The following LHFPL3 variants were observed in gnomAD, a reference collection of about 807,000 sequenced individuals.
The protein encoded by LHFPL3 is LHFPL tetraspan subfamily member 3 protein.
A neutral mutation model predicts 19.3 loss-of-function variants in LHFPL3; 5 were observed. The ratio of observed to expected loss-of-function variants is 0.26; its 90% CI spans 0.14 to 0.54. The LOEUF (loss-of-function observed/expected upper bound fraction) is 0.54. LHFPL3 is among the 20% of genes least tolerant of loss of function. The pLI, the probability that LHFPL3 is intolerant of heterozygous loss-of-function variation, is 0.94. For synonymous variants in LHFPL3, 133 were observed against 126.2 expected (o/e 1.05, Z -0.36); for missense variants, 249 against 307.4 (o/e 0.81, Z 1.42).
intron 1 of LHFPL3, among the ~76,000 whole-genome samples, chr7:104,446,365 G>T (rs1792330354): frequency 6.6e-6 from 1 of 152,094 alleles, no homozygotes; most frequent in South Asian, 2.1e-4. Context: ...CTTCAACCTA[G>T]CATTGTTCTT....
At chr7:104,486,784 C>A (rs1214975693) in intron 1 of LHFPL3, among the ~76,000 whole-genome samples, 1 of 151,590 alleles carries the variant, frequency 6.6e-6, no homozygotes, top group Non-Finnish European at 1.5e-5. Flanking sequence ...TAATTTCTTC[C>A]TTTGCTTTCT....
At chr7:104,776,869 G>C (rs376780222) in intron 2 of LHFPL3, among the ~76,000 whole-genome samples, 1 of 152,172 alleles carries the variant, frequency 6.6e-6, no homozygotes, top group African/African-American at 2.4e-5. Context: ...CAACAGAGGA[G>C]CAAACATACC....
intron 1 of LHFPL3, among the ~76,000 whole-genome samples, chr7:104,445,758 T>G (rs1229439954): frequency 6.6e-6 from 1 of 152,202 alleles, no homozygotes; most frequent in Admixed American, 6.5e-5. Context: ...GTTAATTTTG[T>G]GATTTTATGT....
chr7:104,893,241 C>T (rs993366892), intron 2 of LHFPL3, among the ~76,000 whole-genome samples: 2 of 151,432 alleles, frequency 1.3e-5, no homozygotes, highest in African/African-American at 2.4e-5. Flanking sequence ...TGGCCTGGCA[C>T]GGTGGCTGAC....
chr7:104,836,696 C>G (rs751403281), intron 2 of LHFPL3, among the ~76,000 whole-genome samples: 4 of 152,154 alleles, frequency 2.6e-5, no homozygotes, highest in Non-Finnish European at 4.4e-5. Context: ...TCACTATGCT[C>G]TGCTACCCAT....
chr7:104,711,333 C>T (rs1235202003), intron 1 of LHFPL3, among the ~76,000 whole-genome samples: 1 of 152,166 alleles, frequency 6.6e-6, no homozygotes, highest in African/African-American at 2.4e-5. Context: ...ACACTGTAAC[C>T]CCAACAGGGA....
intron 1 of LHFPL3, among the ~76,000 whole-genome samples, chr7:104,703,403 C>T (rs11768712): frequency 0.34 from 52,068 of 152,042 alleles, 9,305 homozygotes; most frequent in South Asian, 0.55. Context: ...CTTCTCCTCA[C>T]ATTTTTAGCC....
intron 2 of LHFPL3, among the ~76,000 whole-genome samples, chr7:104,766,419 A>G (rs1303595659): frequency 1.3e-5 from 2 of 152,182 alleles, no homozygotes; most frequent in African/African-American, 4.8e-5. Flanking sequence ...TTTCTCATCT[A>G]TGCTGATTTT....
chr7:104,818,196 C>T (rs4266569), intron 2 of LHFPL3, among the ~76,000 whole-genome samples: 51,526 of 151,892 alleles, frequency 0.34, 9,367 homozygotes, highest in South Asian at 0.44. Flanking sequence ...TATGGTGGTT[C>T]ATTTTCCTGT....
intron 1 of LHFPL3, among the ~76,000 whole-genome samples, chr7:104,497,731 G>T (rs1459670571): frequency 6.6e-6 from 1 of 152,054 alleles, no homozygotes; most frequent in Admixed American, 6.5e-5. Context: ...CTGGAGTCTG[G>T]TTAGGAATCT....
intron 1 of LHFPL3, among the ~76,000 whole-genome samples, chr7:104,587,444 T>A (rs958297209): frequency 6.6e-6 from 1 of 152,154 alleles, no homozygotes; most frequent in Admixed American, 6.5e-5. Flanking sequence ...ACAAAGGACA[T>A]GAACTCATCA....
intron 2 of LHFPL3, among the ~76,000 whole-genome samples, chr7:104,819,140 T>A (rs1049639479): frequency 5.9e-5 from 9 of 152,138 alleles, no homozygotes; most frequent in Admixed American, 2.0e-4. Context: ...TAAATGCAAC[T>A]GAAAATCTTC....
At chr7:104,440,265 G>T (rs564867735) in intron 1 of LHFPL3, among the ~76,000 whole-genome samples, 1 of 152,170 alleles carries the variant, frequency 6.6e-6, no homozygotes, top group African/African-American at 2.4e-5. Context: ...CCTTTGTAGG[G>T]ACATGGATGA....
At chr7:104,815,832 G>C (rs1790551344) in intron 2 of LHFPL3, among the ~76,000 whole-genome samples, 2 of 152,112 alleles carry the variant, frequency 1.3e-5, no homozygotes, top group Non-Finnish European at 2.9e-5. Context: ...GGAAAGTTGT[G>C]AACTGCCTCG....
At chr7:104,819,956 G>T (rs138780462) in intron 2 of LHFPL3, among the ~76,000 whole-genome samples, 3 of 152,084 alleles carry the variant, frequency 2.0e-5, no homozygotes, top group African/African-American at 7.2e-5. Flanking sequence ...TATACAAAAC[G>T]AGCCGATTGT....
intron 2 of LHFPL3, chr7:104,804,154 T>C (rs992824754): frequency 1.3e-5 from 2 of 152,180 alleles, no homozygotes; most frequent in African/African-American, 4.8e-5. Flanking sequence ...CCCAAGAAAG[T>C]TTCCTTGCTC....
rs964696624 is a variant in LHFPL3, at chr7:104,834,578, C to G, written c.683-71609C>G. On this transcript the variant is annotated intron_variant, in intron 2 of 2. Transcript: ENST00000424859. ...ATGGCAAGTTCAGCTGCTGAAGTGT[C>G]GCAGTTGCCCTTGTCAAGTGGAGAC... Among the ~76,000 whole-genome samples, 27 of 151,974 alleles carry G rather than the reference C, an allele frequency of 1.8e-4. 1 individual carries two copies. Among genetic ancestry groups the G allele is most frequent in the African/African-American group, 6.3e-4 (26 of 41,240 alleles).
intron 1 of LHFPL3, among the ~76,000 whole-genome samples, chr7:104,505,963 T>C (rs978117251): frequency 6.6e-6 from 1 of 151,952 alleles, no homozygotes. Flanking sequence ...ACATAATACA[T>C]AGGCATTTCT....
At chr7:104,365,432 T>C (rs1003153028) in intron 1 of LHFPL3, among the ~76,000 whole-genome samples, 7 of 143,696 alleles carry the variant, frequency 4.9e-5, no homozygotes, top group African/African-American at 1.8e-4. Context: ...GATCCTGTGA[T>C]TGTTTTTGTG....
Sources: gnomAD v4.1 joint callset for allele counts (sites outside exome capture counted in the v4.1 genomes callset) on GRCh38, gnomAD v4.1.1 for gene constraint, MANE v1.5 for transcripts, NCBI Gene and HGNC (gene_info 2026-07-23, HGNC 2026-07-21) for gene names.